Variants in ERC2 observed in about 807,000 individuals in gnomAD.
The protein encoded by ERC2 is ERC protein 2.
A neutral mutation model predicts 114.8 loss-of-function variants in ERC2; 42 were observed. That is an observed-to-expected ratio of 0.37 (90% CI 0.29 to 0.47). ERC2 has a LOEUF of 0.47. Ranked by LOEUF, ERC2 falls within the 20% of genes least tolerant of loss-of-function variation. The pLI, the probability that ERC2 is intolerant of heterozygous loss-of-function variation, is 0.99. For synonymous variants in ERC2, 454 were observed against 425.5 expected, an observed-to-expected ratio of 1.07 and a Z score of -0.82; for missense variants, 939 against 1,150.7, an observed-to-expected ratio of 0.82 and a Z score of 2.66.
At chr3:56,179,646 G>A (rs1055591751) in intron 3 of ERC2, among the ~76,000 whole-genome samples, 2 of 152,004 alleles carry the variant, frequency 1.3e-5, no homozygotes, top group African/African-American at 2.4e-5. Context: ...TAGATTGCCT[G>A]AGGACTAAAG....
At chr3:55,662,160 A>G (rs1409768545) in intron 17 of ERC2, among the ~76,000 whole-genome samples, 1 of 152,244 alleles carries the variant, frequency 6.6e-6, no homozygotes, top group Non-Finnish European at 1.5e-5. Context: ...CCAATTGGCA[A>G]CCAATCCTGT....
chr3:56,074,751 G>A (rs1407785323), intron 7 of ERC2, among the ~76,000 whole-genome samples: 1 of 152,112 alleles, frequency 6.6e-6, no homozygotes, highest in Non-Finnish European at 1.5e-5. Flanking sequence ...ATTATTCGTG[G>A]TATGGTTCCA....
chr3:56,207,158 T>G (rs2048785708), intron 3 of ERC2, among the ~76,000 whole-genome samples: 1 of 152,204 alleles, frequency 6.6e-6, no homozygotes, highest in Non-Finnish European at 1.5e-5. Flanking sequence ...ATATTATGAT[T>G]TTAGAGACTC....
intron 14 of ERC2, among the ~76,000 whole-genome samples, chr3:55,837,108 G>C (rs1264928709): frequency 6.6e-6 from 1 of 152,148 alleles, no homozygotes; most frequent in African/African-American, 2.4e-5. Flanking sequence ...GGAAACAACA[G>C]GTGCTGGAGA....
chr3:55,943,459 T>C (rs2066934420), intron 13 of ERC2, among the ~76,000 whole-genome samples: 1 of 122,328 alleles, frequency 8.2e-6, no homozygotes, highest in Non-Finnish European at 1.7e-5. Flanking sequence ...TGAGGAAGCG[T>C]TTTTTTTTTC....
chr3:56,214,349 C>T (rs898409871), intron 3 of ERC2, among the ~76,000 whole-genome samples: 5 of 149,924 alleles, frequency 3.3e-5, no homozygotes, highest in African/African-American at 1.0e-4. Flanking sequence ...GATGAATGCA[C>T]AAGCTTCAGT....
At chr3:55,865,790 T>A (rs1235442208) in intron 14 of ERC2, among the ~76,000 whole-genome samples, 1 of 152,202 alleles carries the variant, frequency 6.6e-6, no homozygotes, top group Non-Finnish European at 1.5e-5. Flanking sequence ...ATACTTCATT[T>A]CTTTTTATTA....
At chr3:55,678,277 GCTT>G (rs1435828314) in intron 17 of ERC2, among the ~76,000 whole-genome samples, 9 of 152,180 alleles carry the variant, frequency 5.9e-5, no homozygotes, top group Admixed American at 5.9e-4. Flanking sequence ...ATTATTGAAA[GCTT>G]CTTCTGCAGA....
intron 1 of ERC2, among the ~76,000 whole-genome samples, chr3:56,465,721 G>A (rs1264637227): frequency 6.6e-6 from 1 of 152,152 alleles, no homozygotes; most frequent in Non-Finnish European, 1.5e-5. Context: ...ATTTTATTAT[G>A]TGTTATATTT....
chr3:56,453,714 T>C (rs2062928594), intron 1 of ERC2, among the ~76,000 whole-genome samples: 1 of 152,192 alleles, frequency 6.6e-6, no homozygotes, highest in South Asian at 2.1e-4. Context: ...CCAAATGTAT[T>C]CTCTTTATCA....
intron 9 of ERC2, among the ~76,000 whole-genome samples, chr3:56,008,504 C>T (rs538645153): frequency 1.3e-5 from 2 of 152,304 alleles, no homozygotes; most frequent in African/African-American, 4.8e-5. Flanking sequence ...ATAATCCAGT[C>T]ACTTTGTCAT....
chr3:55,849,917 G>T (rs779466559), intron 14 of ERC2, among the ~76,000 whole-genome samples: 2 of 152,092 alleles, frequency 1.3e-5, no homozygotes, highest in Non-Finnish European at 2.9e-5. Flanking sequence ...ATAAATTACC[G>T]CTATGGTAAC....
chr3:56,013,633 G>A (rs1222358195), intron 8 of ERC2, among the ~76,000 whole-genome samples: 2 of 152,138 alleles, frequency 1.3e-5, no homozygotes, highest in Non-Finnish European at 2.9e-5. Flanking sequence ...CCCAGAAATG[G>A]GGGATGATGC....
At chr3:55,630,646 A>C (rs1258755524) in intron 17 of ERC2, among the ~76,000 whole-genome samples, 1 of 152,194 alleles carries the variant, frequency 6.6e-6, no homozygotes, top group Non-Finnish European at 1.5e-5. Context: ...CAGCCATCAA[A>C]GACACTACTG....
rs531579635 is a variant in ERC2 at position 55,509,270 on chromosome 3, C to T, written c.*2046G>A. The T allele has an allele frequency of 3.3e-5, 5 of 152,494 alleles. No homozygotes were observed. Among genetic ancestry groups the T allele is most frequent in the Admixed American group, 3.3e-4 (5 of 15,282 alleles). The allele number at this position is 152,494 out of a possible 1,614,324, so 9.4% of individuals were successfully genotyped here. A position where few individuals can be genotyped will look rare whatever the true frequency, so the allele number is the denominator to read the frequency against. On this transcript the variant is annotated 3_prime_UTR_variant, in exon 18 of 18. Transcript: ENST00000288221. ...TGTTTCAAGGACCCTATTTTCCCTA[C>T]TGGATTTCCTACTTCCTACTTCAAG... is the stretch of plus-strand genomic sequence containing the variant.
At chr3:56,264,488 T>C (rs183321014) in intron 3 of ERC2, among the ~76,000 whole-genome samples, 76 of 152,014 alleles carry the variant, frequency 5.0e-4, no homozygotes, top group African/African-American at 1.8e-3. Context: ...TCCCAGCTAC[T>C]TGGGAGGCCA....
chr3:55,877,637 G>A (rs989284599), intron 14 of ERC2, among the ~76,000 whole-genome samples: 3 of 151,012 alleles, frequency 2.0e-5, no homozygotes, highest in Non-Finnish European at 4.4e-5. Flanking sequence ...TCAGCCTCCC[G>A]AGTAGCTGGG....
chr3:55,699,296 T>G (rs1248621504), intron 16 of ERC2, 82 bp downstream of exon 16: 1 of 1,544,500 alleles, frequency 6.5e-7, no homozygotes, highest in African/African-American at 1.4e-5. Flanking sequence ...TGATGTTTAT[T>G]ATTTCTTGAG....
intron 3 of ERC2, among the ~76,000 whole-genome samples, chr3:56,185,374 T>C (rs1263748749): frequency 6.6e-6 from 1 of 152,254 alleles, no homozygotes; most frequent in Non-Finnish European, 1.5e-5. Flanking sequence ...GTAACTGTTA[T>C]CCTATGCCTC....
Sources: gnomAD v4.1 joint callset for allele counts (sites outside exome capture counted in the v4.1 genomes callset) on GRCh38, gnomAD v4.1.1 for gene constraint, MANE v1.5 for transcripts, NCBI Gene and HGNC (gene_info 2026-07-23, HGNC 2026-07-21) for gene names.